The following TTK variants were observed in gnomAD, a reference collection of about 807,000 sequenced individuals.
TTK encodes TTK protein kinase, also known as dual specificity protein kinase TTK.
TTK carries 59 observed loss-of-function variants against 117.3 expected under a neutral mutation model. That is an observed-to-expected ratio of 0.50 (90% confidence interval 0.41 to 0.62). The LOEUF (loss-of-function observed/expected upper bound fraction) is 0.62, where lower values mean the gene tolerates loss of function less well. Ranked by LOEUF, TTK falls within the 20% of genes least tolerant of loss-of-function variation. The pLI, the probability that TTK is intolerant of heterozygous loss-of-function variation, is 0.00. For synonymous variants in TTK, 302 were observed against 325.0 expected (o/e 0.93, Z 0.76); for missense variants, 921 against 989.4 (o/e 0.93, Z 0.93).
At chr6:80,030,170 G>T (rs950412555) in intron 13 of TTK, among the ~76,000 whole-genome samples, 5 of 152,144 alleles carry the variant, frequency 3.3e-5, no homozygotes, top group African/African-American at 1.2e-4. Flanking sequence ...TTAAATTGAG[G>T]TTTATTCAGA....
rs1256503280 is a variant in TTK, at chr6:80,031,479, T to C, written c.1534T>C (p.Ser512Pro). The change falls in exon 14 of 22, where the codon TCT becomes CCT. Residue 512 changes from serine to proline, a missense_variant. Transcript: ENST00000369798. ...TTTACTTATTTAGGTTTTAGCATCT[T>C]CTTCAGCAAATGAATGCATTTCGGT... ...PLQNLQVLAS[S>P]SANECISVKG... is the part of the protein sequence containing the mutation. 1.3e-6 allele frequency: 2 copies of C among 1,506,020 alleles called. No homozygotes were observed. The highest frequency in any genetic ancestry group is 1.8e-6 in the Non-Finnish European group (2 of 1,134,340). 93.3% of individuals were successfully genotyped at this position (1,506,020 alleles called of 1,614,324 possible).
rs145692352 is a variant in TTK at position 80,011,812 on chromosome 6, T to G, written c.801+11T>G. 417 of 1,612,618 alleles carry G rather than the reference T, an allele frequency of 2.6e-4. 7 individuals are homozygous for G. The East Asian group carries it at 9.2e-3, about 36-fold the overall frequency. ...AACAAAACTAAACAGGTAAGTTACT[T>G]TCAATCTGCTTGATTAAGGTGGTGA... On this transcript the variant is annotated intron_variant, in intron 7 of 21. Transcript: ENST00000369798.
chr6:80,008,524 G>C (rs748028451), intron 4 of TTK, 32 bp downstream of exon 4: 1 of 1,569,440 alleles, frequency 6.4e-7, no homozygotes, highest in South Asian at 1.2e-5. Context: ...CAAATTTTAA[G>C]TAAAGGATAA....
Position 80,026,426 on chromosome 6 carries a change from T to G in TTK, c.1306T>G (p.Ser436Ala). Residue 436 changes from serine (S) to alanine (A), a missense_variant, in exon 12 of 22, where the codon TCA (serine) becomes GCA (alanine). Coordinates refer to ENST00000369798, the MANE Select transcript of TTK (RefSeq NM_003318.5). Reference protein sequence around the residue: ...EQPVFSVSKQSPPISTSKWFD... With the variant: ...EQPVFSVSKQAPPISTSKWFD... ...ACCTGTCTTTTCAGTTTCAAAACAG[T>G]CACCACCAATATCAACATCTAAATG... 6.2e-7 allele frequency: 1 copy of G among 1,613,796 alleles called. No individual in the cohort carries two copies. The highest frequency in any genetic ancestry group is 8.5e-7 in the Non-Finnish European group (1 of 1,179,852).
intron 6 of TTK, 71 bp from the exon 7 acceptor site, chr6:80,011,658 T>A: frequency 6.4e-7 from 1 of 1,570,834 alleles, no homozygotes; most frequent in Non-Finnish European, 8.7e-7. Flanking sequence ...TGTGATAATG[T>A]TTAGCAGTAG....
chr6:80,030,109 TAGG>T (rs1767716141), intron 13 of TTK, among the ~76,000 whole-genome samples: 1 of 152,346 alleles, frequency 6.6e-6, no homozygotes, highest in Non-Finnish European at 1.5e-5. Flanking sequence ...TTTATTTAAA[TAGG>T]AGATTACATG....
At chr6:80,035,491 T>C in intron 16 of TTK, 74 bp downstream of exon 16, 1 of 1,403,764 alleles carries the variant, frequency 7.1e-7, no homozygotes, top group Non-Finnish European at 9.5e-7. Context: ...AATATACCTA[T>C]AATTTTAGGG....
In TTK at chr6:80,011,679, C is replaced by G. The variant is rs1397815168; in HGVS notation, c.729-50C>G. On this transcript the variant is annotated intron_variant, in intron 6 of 21. Coordinates refer to ENST00000369798, the MANE Select transcript of TTK (RefSeq NM_003318.5). ...AATGTTTAGCAGTAGAGTAGAAATA[C>G]ATATTAATATTGTTCTTTGAAAAAT... is the stretch of plus-strand genomic sequence containing the variant. The G allele has an allele frequency of 5.7e-6, 9 of 1,589,804 alleles. No homozygotes were observed. In the East Asian group the frequency reaches 1.8e-4, roughly 32 times the overall value.
At chr6:80,022,627 T>A (rs1767491533) in intron 11 of TTK, among the ~76,000 whole-genome samples, 155 bp downstream of exon 11, 1 of 152,270 alleles carries the variant, frequency 6.6e-6, no homozygotes, top group African/African-American at 2.4e-5. Context: ...AAAGTGGTGA[T>A]CAGTAGCAGT....
At chr6:80,014,730 G>A in intron 10 of TTK, 144 bp downstream of exon 10, 1 of 807,896 alleles carries the variant, frequency 1.2e-6, no homozygotes, top group Non-Finnish European at 1.8e-6. Context: ...AGTTATATAG[G>A]GTATATGAAA....
At position 80,038,697 on chromosome 6, in the gene TTK, G is replaced by A. The variant is rs192322838; in HGVS notation, c.2130+650G>A. Among the ~76,000 whole-genome samples the A allele has an allele frequency of 2.8e-4, 43 of 152,192 alleles. No homozygotes were observed. In the East Asian group the frequency reaches 8.1e-3, roughly 29 times the overall value. On this transcript the variant is annotated intron_variant, in intron 18 of 21. Coordinates refer to ENST00000369798, the MANE Select transcript of TTK (RefSeq NM_003318.5). ...TTTTCCTCCTTAGAAAATCTGGCTTGTAAGTGTTTTTCAAATAACTGGCAT... is the reference window on the plus strand; with the variant it reads ...TTTTCCTCCTTAGAAAATCTGGCTTATAAGTGTTTTTCAAATAACTGGCAT...
chr6:80,008,383 C>T lies in TTK; in HGVS notation c.363-3C>T, dbSNP rs762607536. ...AAATTTTGACTCAAATCTTTTATTA[C>T]AGTATTCAAGAGCCAGATGATGCAC... On this transcript the variant is annotated splice_polypyrimidine_tract_variant and splice_region_variant and intron_variant, in intron 3 of 21. Coordinates refer to ENST00000369798, the MANE Select transcript of TTK (RefSeq NM_003318.5). 6.2e-7 allele frequency: 1 copy of T among 1,602,190 alleles called. No individual in the cohort carries two copies. Among genetic ancestry groups the T allele is most frequent in the Non-Finnish European group, 8.5e-7 (1 of 1,176,100 alleles).
chr6:80,016,351 C>G (rs757958957), intron 10 of TTK, among the ~76,000 whole-genome samples: 15 of 152,172 alleles, frequency 9.9e-5, no homozygotes, highest in Non-Finnish European at 2.1e-4. Flanking sequence ...GCTCCTGCTC[C>G]TGTTCTTTGC....
At chr6:80,041,924 A>G (rs1768058050) in intron 21 of TTK, among the ~76,000 whole-genome samples, 195 bp from the exon 22 acceptor site, 1 of 151,704 alleles carries the variant, frequency 6.6e-6, no homozygotes, top group South Asian at 2.1e-4. Flanking sequence ...ATATCTCATG[A>G]TAGGTAATGC....
In TTK at chr6:80,026,428, A is replaced by G; in HGVS notation, c.1308A>G (p.Ser436=). 6.2e-7 allele frequency: 1 copy of G among 1,613,824 alleles called. No homozygotes were observed. The highest frequency in any genetic ancestry group is 8.5e-7 in the Non-Finnish European group (1 of 1,179,858). Residue 436 remains serine (S), a synonymous_variant, in exon 12 of 22, where the codon TCA becomes TCG. Transcript: ENST00000369798. ...EQPVFSVSKQ[S]PPISTSKWFD... ...CTGTCTTTTCAGTTTCAAAACAGTC[A>G]CCACCAATATCAACATCTAAATGGT...
intron 10 of TTK, among the ~76,000 whole-genome samples, chr6:80,019,203 C>T (rs139861802): frequency 3.5e-4 from 54 of 152,222 alleles, no homozygotes; most frequent in African/African-American, 1.1e-3. Context: ...AAATTACAAA[C>T]TAGCATAAGG....
chr6:80,030,183 T>A (rs1027558032), intron 13 of TTK, among the ~76,000 whole-genome samples: 4 of 152,230 alleles, frequency 2.6e-5, no homozygotes, highest in African/African-American at 7.2e-5. Context: ...TATTCAGACC[T>A]TGTTTAACTT....
intron 12 of TTK, among the ~76,000 whole-genome samples, chr6:80,027,319 T>C (rs1313307779): frequency 1.3e-5 from 2 of 152,234 alleles, no homozygotes; most frequent in Non-Finnish European, 2.9e-5. Flanking sequence ...GAATGATTGC[T>C]AACTAAAATA....
chr6:80,026,591 T>G, intron 12 of TTK, 77 bp downstream of exon 12: 1 of 1,569,234 alleles, frequency 6.4e-7, no homozygotes, highest in South Asian at 1.2e-5. Context: ...CAAATAAATC[T>G]GGGATTAAAT....
Sources: gnomAD v4.1 joint callset for allele counts (sites outside exome capture counted in the v4.1 genomes callset) on GRCh38, gnomAD v4.1.1 for gene constraint, MANE v1.5 for transcripts, NCBI Gene and HGNC (gene_info 2026-07-23, HGNC 2026-07-21) for gene names.